Variants in A2ML1 observed in about 807,000 individuals in gnomAD.
A2ML1 encodes alpha-2-macroglobulin-like protein 1.
A neutral mutation model predicts 181.9 loss-of-function variants in A2ML1; 161 were observed. That is an observed-to-expected ratio of 0.89 (90% CI 0.78 to 1.01). The LOEUF is 1.01. Ranked by LOEUF, A2ML1 falls within the 50% of genes least tolerant of loss-of-function variation. The probability of loss-of-function intolerance (pLI) is 0.00; values close to 1 mark genes in which losing one functional copy is unlikely to be tolerated. For synonymous variants in A2ML1, 663 were observed against 666.8 expected, an observed-to-expected ratio of 0.99 and a Z score of 0.09; for missense variants, 1,670 against 1,768.1, an observed-to-expected ratio of 0.94 and a Z score of 1.00.
chr12:8,845,798 C>T (rs1285892664), intron 13 of A2ML1, among the ~76,000 whole-genome samples: 4 of 148,946 alleles, frequency 2.7e-5, no homozygotes, highest in East Asian at 3.9e-4. Flanking sequence ...TGCAGTGAGC[C>T]GAGATCATGC....
At chr12:8,875,147 C>T (rs1944761642) in intron 35 of A2ML1, 135 bp downstream of exon 35, 4 of 909,868 alleles carry the variant, frequency 4.4e-6, no homozygotes, top group Admixed American at 2.3e-5. Context: ...AGGGCAGTGG[C>T]GGAGGTTGAG....
rs185559416 is a variant in A2ML1, at chr12:8,867,953, A to G, written c.3829A>G (p.Asn1277Asp). ...KSTENFQRTF[N>D]IQSVNRLVFQ... Reference sequence around the variant, plus strand: ...CACTGAGAATTTCCAGCGCACATTCAACATACAGTCAGTTAACAGATTGGT... The same window carrying G: ...CACTGAGAATTTCCAGCGCACATTCGACATACAGTCAGTTAACAGATTGGT... The change falls in exon 30 of 36, where the codon AAC becomes GAC. Residue 1277 changes from asparagine to aspartate, a missense_variant. By Grantham distance (23) the Asn-to-Asp change is conservative. Transcript: ENST00000299698. 3.1e-5 allele frequency: 50 copies of G among 1,614,278 alleles called. No individual in the cohort carries two copies. In the Admixed American group the frequency reaches 3.8e-4, roughly 12 times the overall value.
Position 8,823,718 on chromosome 12 carries a change from A to G in A2ML1, c.247-2A>G, listed in dbSNP as rs777544236. On this transcript the variant is annotated splice_acceptor_variant, in intron 2 of 35. Coordinates refer to ENST00000299698, the MANE Select transcript of A2ML1 (RefSeq NM_144670.6). LOFTEE classifies it high-confidence loss of function. The stretch of plus-strand genomic sequence containing the variant: ...TCCCCAGAAGTCCCCTTTCTTGGTC[A>G]GGTACCACCTCCTGCTGGTGGCACA... 4 of 1,612,942 alleles carry G rather than the reference A, an allele frequency of 2.5e-6. No individual in the cohort carries two copies. In the Admixed American group the frequency reaches 6.7e-5, roughly 27 times the overall value.
At position 8,823,204 on chromosome 12, in the gene A2ML1, G is replaced by C; in HGVS notation, c.85G>C (p.Ala29Pro). 2 of 1,613,854 alleles carry C rather than the reference G, an allele frequency of 1.2e-6. No homozygotes were observed. The highest frequency in any genetic ancestry group is 1.1e-5 in the South Asian group (1 of 91,008). Residue 29 changes from alanine to proline, a missense_variant, in exon 2 of 36, where the codon GCC becomes CCC. Physicochemically the swap from Ala to Pro is conservative, Grantham distance 27 (BLOSUM62 -1). Coordinates refer to ENST00000299698, the MANE Select transcript of A2ML1 (RefSeq NM_144670.6). ...TAGAAACTACCTGGTGACATTACCA[G>C]CCCGGCTAAATTTCCCCTCCGTTCA... The part of the protein sequence containing the change: ...ELPNYLVTLP[A>P]RLNFPSVQKV...
rs747823521 is a variant in A2ML1, at chr12:8,843,290, G to C, written c.1405G>C (p.Glu469Gln). ...CCCCTTGAAATGTGGCCAGCCCCAGGAAGTGCTGGTGGATTATTACATCGA... is the reference window on the plus strand; with the variant it reads ...CCCCTTGAAATGTGGCCAGCCCCAGCAAGTGCTGGTGGATTATTACATCGA... ...NGPLKCGQPQ[E>Q]VLVDYYIDPA... The change falls in exon 12 of 36, where the codon GAA (glutamate) becomes CAA (glutamine). Residue 469 changes from glutamate (E) to glutamine (Q), a missense_variant. Transcript: ENST00000299698. 1.2e-6 allele frequency: 2 copies of C among 1,614,150 alleles called. No individual in the cohort carries two copies. Among genetic ancestry groups the C allele is most frequent in the East Asian group, 4.5e-5 (2 of 44,884 alleles).
chr12:8,873,142 G>C (rs1467602990), intron 33 of A2ML1, among the ~76,000 whole-genome samples: 1 of 152,098 alleles, frequency 6.6e-6, no homozygotes, highest in African/African-American at 2.4e-5. Flanking sequence ...TGGAGTAGGG[G>C]AGGTCCCTCG....
intron 23 of A2ML1, among the ~76,000 whole-genome samples, chr12:8,856,326 A>G (rs1029744206): frequency 1.3e-5 from 2 of 152,170 alleles, no homozygotes; most frequent in Admixed American, 6.5e-5. Flanking sequence ...TTCACTGTCT[A>G]TATCTGTCTT....
At position 8,857,602 on chromosome 12, in the gene A2ML1, A is replaced by G. The variant is rs1177502258; in HGVS notation, c.3107+14A>G. 1.9e-6 allele frequency: 3 copies of G among 1,605,638 alleles called. No homozygotes were observed. Among genetic ancestry groups the G allele is most frequent in the Non-Finnish European group, 2.6e-6 (3 of 1,175,674 alleles). ...TGGAAACACATGGTAATATCACCCA[A>G]TTCCCAATGAGTTCTGTACTCCAGA... On this transcript the variant is annotated intron_variant, in intron 25 of 35. Transcript: ENST00000299698.
chr12:8,855,354 A>T (rs960296070), intron 22 of A2ML1, among the ~76,000 whole-genome samples, 155 bp from the exon 23 acceptor site: 5 of 152,218 alleles, frequency 3.3e-5, no homozygotes, highest in Admixed American at 3.3e-4. Context: ...TTTCAGCAAG[A>T]TCACTATGAA....
At chr12:8,860,233 G>A (rs1944207920) in intron 26 of A2ML1, among the ~76,000 whole-genome samples, 1 of 151,930 alleles carries the variant, frequency 6.6e-6, no homozygotes, top group African/African-American at 2.4e-5. Context: ...TTGTAGAGTT[G>A]GGGTTTTACC....
At chr12:8,824,331 T>C (rs1395029713) in intron 3 of A2ML1, among the ~76,000 whole-genome samples, 1 of 149,928 alleles carries the variant, frequency 6.7e-6, no homozygotes, top group East Asian at 2.0e-4. Flanking sequence ...TATGTTTGGG[T>C]TTTTTTTATT....
rs144486306 is a variant in A2ML1, at chr12:8,823,610, C to G, written c.247-110C>G. ...AATTTGTTTTATGTCTCTATCCTTG[C>G]TACCCCCATCTAACTCAGCTCTTTC... is the stretch of plus-strand genomic sequence containing the variant. On this transcript the variant is annotated intron_variant, in intron 2 of 35. Coordinates refer to ENST00000299698, the MANE Select transcript of A2ML1 (RefSeq NM_144670.6). 343 of 1,251,606 alleles carry G rather than the reference C, an allele frequency of 2.7e-4. 1 individual carries two copies. The African/African-American group carries it at 4.0e-3, about 14-fold the overall frequency. The allele number at this position is 1,251,606 out of a possible 1,614,324, so 77.5% of individuals were successfully genotyped here. A position where few individuals can be genotyped will look rare whatever the true frequency, so the allele number is the denominator to read the frequency against.
At chr12:8,877,698 G>A (rs1404627907), downstream of A2ML1, among the ~76,000 whole-genome samples, 2 of 152,146 alleles carry the variant, frequency 1.3e-5, no homozygotes, top group African/African-American at 4.8e-5. Context: ...ATGTTGGCGA[G>A]GTAGCAGAGA....
At position 8,869,228 on chromosome 12, in the gene A2ML1, AG is replaced by A. The variant is rs1565494135; in HGVS notation, c.4221+26del. 4 of 1,611,060 alleles carry A rather than the reference AG, an allele frequency of 2.5e-6. No individual in the cohort carries two copies. The South Asian group carries it at 3.3e-5, about 13-fold the overall frequency. ...GGTAGGTATTCAGGAACCAGATCAAAGAGCTGGATTGCTTACGGATCTTCAT... is the reference window on the plus strand; with the variant it reads ...GGTAGGTATTCAGGAACCAGATCAAAAGCTGGATTGCTTACGGATCTTCAT... On this transcript the variant is annotated intron_variant, in intron 33 of 35. Coordinates refer to ENST00000299698, the MANE Select transcript of A2ML1 (RefSeq NM_144670.6).
chr12:8,838,450 G>T lies in A2ML1; in HGVS notation c.970G>T (p.Gly324Cys), dbSNP rs1943358684. The change falls in exon 9 of 36, where the codon GGT (glycine) becomes TGT (cysteine). Residue 324 changes from glycine to cysteine, a missense_variant and splice_region_variant. By Grantham distance (159) the Gly-to-Cys change is radical. Coordinates refer to ENST00000299698, the MANE Select transcript of A2ML1 (RefSeq NM_144670.6). ...IVATVVEEGTGVEANATQNIY... is the reference protein window; with the variant it reads ...IVATVVEEGTCVEANATQNIY... ...GGCTACTGTTGTGGAGGAAGGGACA[G>T]GTAAGTAGGGTGCTCCTTGGCTCAT... 6.2e-7 allele frequency: 1 copy of T among 1,610,782 alleles called. No individual in the cohort carries two copies.
In A2ML1 at chr12:8,857,516, A is replaced by T; in HGVS notation, c.3035A>T (p.Lys1012Met). 1 of 1,612,056 alleles carries T rather than the reference A, an allele frequency of 6.2e-7. No homozygotes were observed. Among genetic ancestry groups the T allele is most frequent in the Non-Finnish European group, 8.5e-7 (1 of 1,179,336 alleles). The part of the protein sequence containing the change: ...AVGFLEIGYQ[K>M]ELMYKHSNGS... The stretch of plus-strand genomic sequence containing the variant: ...ACATTTGGCTTCCCAGGGTACCAGA[A>T]GGAGCTGATGTACAAACACAGCAAT... Residue 1012 changes from lysine to methionine, a missense_variant, in exon 25 of 36, where the codon AAG becomes ATG. Lys to Met is a moderately conservative substitution (Grantham distance 95). Coordinates refer to ENST00000299698, the MANE Select transcript of A2ML1 (RefSeq NM_144670.6).
At chr12:8,847,796 T>C in intron 15 of A2ML1, 98 bp downstream of exon 15, 1 of 1,448,930 alleles carries the variant, frequency 6.9e-7, no homozygotes, top group Non-Finnish European at 9.3e-7. Context: ...CTTAGGGAAA[T>C]AATGCACTGC....
Position 8,841,321 on chromosome 12 carries a change from A to G in A2ML1, c.1081-48A>G, listed in dbSNP as rs748064637. 2.5e-6 allele frequency: 4 copies of G among 1,571,898 alleles called. No homozygotes were observed. The Admixed American group carries it at 7.1e-5, about 28-fold the overall frequency. On this transcript the variant is annotated intron_variant, in intron 10 of 35. Transcript: ENST00000299698. ...AATATTTCACTTTACCTCATACTCA[A>G]GCTTACTCCAAACCTAATTCTAATC...
rs370796325 is a variant in A2ML1, at chr12:8,875,370, AC to A, written c.*1+359del. 553 of 186,386 alleles carry A rather than the reference AC, an allele frequency of 3.0e-3. 4 individuals are homozygous for A. The highest frequency in any genetic ancestry group is 0.012 in the African/African-American group (497 of 42,160). 11.5% of individuals were successfully genotyped at this position (186,386 alleles called of 1,614,324 possible). ...TGAGATTACAAGCATGAGCCACCAC[AC>A]TCAGCCCTGTTATTGTCTTTTGGAA... On this transcript the variant is annotated intron_variant, in intron 35 of 35. Coordinates refer to ENST00000299698, the MANE Select transcript of A2ML1 (RefSeq NM_144670.6).
Sources: allele counts gnomAD v4.1 joint callset (sites outside exome capture counted in the v4.1 genomes callset), GRCh38; gene constraint gnomAD v4.1.1; transcripts MANE v1.5; gene names NCBI Gene and HGNC (gene_info 2026-07-23, HGNC 2026-07-21).